Variants in IL20RB observed in about 807,000 individuals in gnomAD.
The protein encoded by IL20RB is interleukin-20 receptor subunit beta.
In IL20RB, 21 loss-of-function variants were observed where a neutral mutation model predicts 33.3. That is an observed-to-expected ratio of 0.63 (90% confidence interval 0.45 to 0.91). The LOEUF (loss-of-function observed/expected upper bound fraction) is 0.91, where lower values mean the gene tolerates loss of function less well. Ranked by LOEUF, IL20RB falls within the 40% of genes least tolerant of loss-of-function variation. The pLI, the probability that IL20RB is intolerant of heterozygous loss-of-function variation, is 0.00. For missense variants in IL20RB, 345 were observed against 384.8 expected (o/e 0.90, Z 0.86); for synonymous variants, 147 against 146.8 (o/e 1.00, Z -0.01).
At chr3:136,978,705 A>G (rs1941689216) in intron 1 of IL20RB, among the ~76,000 whole-genome samples, 1 of 152,144 alleles carries the variant, frequency 6.6e-6, no homozygotes, top group South Asian at 2.1e-4. Flanking sequence ...TTTTTGTCTA[A>G]GTTCATGAGA....
At chr3:137,007,157 A>C (rs1446139172) in intron 6 of IL20RB, among the ~76,000 whole-genome samples, 1 of 152,094 alleles carries the variant, frequency 6.6e-6, no homozygotes, top group East Asian at 1.9e-4. Flanking sequence ...TTTCCTCTGG[A>C]AGCTTTGTCG....
rs769522503 is a variant in IL20RB at position 136,980,567 on chromosome 3, G to C, written c.190G>C (p.Val64Leu). Residue 64 changes from valine to leucine, a missense_variant, in exon 2 of 7, where the codon GTG becomes CTG. By Grantham distance (32) the Val-to-Leu change is conservative. Coordinates refer to ENST00000329582, the MANE Select transcript of IL20RB (RefSeq NM_144717.4). Reference sequence around the variant, plus strand: ...CCCAGTGATCGCGCCTGGAGAAACAGTGTACTATTCTGTCGAATACCAGGG... The same window carrying C: ...CCCAGTGATCGCGCCTGGAGAAACACTGTACTATTCTGTCGAATACCAGGG... Reference protein sequence around the residue: ...WSPVIAPGETVYYSVEYQGEY... With the variant: ...WSPVIAPGETLYYSVEYQGEY... The C allele has an allele frequency of 8.7e-6, 14 of 1,614,092 alleles. No homozygotes were observed. Among genetic ancestry groups the C allele is most frequent in the Non-Finnish European group, 1.2e-5 (14 of 1,180,046 alleles).
intron 1 of IL20RB, among the ~76,000 whole-genome samples, chr3:136,979,997 C>T (rs1224272715): frequency 6.6e-6 from 1 of 152,178 alleles, no homozygotes; most frequent in Non-Finnish European, 1.5e-5. Flanking sequence ...CCTAGCCAGT[C>T]TAACAGAAGA....
chr3:136,978,944 C>T (rs361243), intron 1 of IL20RB, among the ~76,000 whole-genome samples: 70,658 of 151,912 alleles, frequency 0.47, 16,957 homozygotes, highest in East Asian at 0.7. Flanking sequence ...AATTAAATTA[C>T]ATTAATTAAT....
In IL20RB at chr3:136,989,491, G is replaced by T. The variant is rs751234903; in HGVS notation, c.457G>T (p.Val153Phe). Residue 153 changes from valine to phenylalanine, a missense_variant, in exon 4 of 7, where the codon GTT becomes TTT. Val to Phe is a conservative substitution (Grantham distance 50). Transcript: ENST00000329582. ...MEITKDGFHL[V>F]IELEDLGPQF... ...GATCACCAAAGATGGCTTCCACCTGGTTATTGAGCTGGAGGACCTGGGGCC... is the reference window on the plus strand; with the variant it reads ...GATCACCAAAGATGGCTTCCACCTGTTTATTGAGCTGGAGGACCTGGGGCC... The T allele has an allele frequency of 2.5e-6, 4 of 1,614,078 alleles. No homozygotes were observed. In the South Asian group the frequency reaches 4.4e-5, roughly 18 times the overall value.
chr3:136,997,515 A>G (rs1011104097), intron 6 of IL20RB, among the ~76,000 whole-genome samples: 16 of 149,946 alleles, frequency 1.1e-4, no homozygotes, highest in African/African-American at 3.7e-4. Flanking sequence ...GGAGTCTTTT[A>G]TCATTATGAT....
At chr3:136,989,647 C>A (rs1265037617) in intron 4 of IL20RB, 82 bp downstream of exon 4, 1 of 1,526,056 alleles carries the variant, frequency 6.6e-7, no homozygotes, top group African/African-American at 1.4e-5. Flanking sequence ...GAAGGCTGCC[C>A]CTGCTCACTG....
At chr3:136,973,812 A>G (rs1941550025) in intron 1 of IL20RB, among the ~76,000 whole-genome samples, 1 of 152,116 alleles carries the variant, frequency 6.6e-6, no homozygotes, top group African/African-American at 2.4e-5. Flanking sequence ...ATCACTATAT[A>G]GTAACCTTCT....
rs554739203 is a variant in IL20RB, at chr3:136,980,008, G to C, written c.89-458G>C. Among the ~76,000 whole-genome samples the C allele has an allele frequency of 7.2e-5, 11 of 152,244 alleles. 1 individual carries two copies. In the South Asian group the frequency reaches 2.3e-3, roughly 32 times the overall value. On this transcript the variant is annotated intron_variant, in intron 1 of 6. Transcript: ENST00000329582. ...GGATCCTAGCCAGTCTAACAGAAGA[G>C]TCATAAATAATGTGACTCAGTTTTC...
chr3:136,992,784 T>A (rs1164108636), intron 5 of IL20RB, among the ~76,000 whole-genome samples: 1 of 152,118 alleles, frequency 6.6e-6, no homozygotes, highest in Non-Finnish European at 1.5e-5. Context: ...TTGTTTCATA[T>A]GTAGAGACAA....
At chr3:136,969,619 C>G (rs1210392013) in intron 1 of IL20RB, among the ~76,000 whole-genome samples, 1 of 150,802 alleles carries the variant, frequency 6.6e-6, no homozygotes, top group Non-Finnish European at 1.5e-5. Flanking sequence ...TGAGATGAAC[C>G]CGGTACCTCA....
Position 137,010,588 on chromosome 3 carries a change from A to G in IL20RB, c.*365A>G, listed in dbSNP as rs1019316366. On this transcript the variant is annotated 3_prime_UTR_variant, in exon 7 of 7. Coordinates refer to ENST00000329582, the MANE Select transcript of IL20RB (RefSeq NM_144717.4). The stretch of plus-strand genomic sequence containing the variant: ...TCTATATATACACACGTACACATAA[A>G]TACACCCAGCACTTGCAAGGCTAGA... The G allele has an allele frequency of 1.2e-5, 2 of 167,870 alleles. No homozygotes were observed. Among genetic ancestry groups the G allele is most frequent in the African/African-American group, 4.8e-5 (2 of 42,014 alleles). 10.4% of individuals were successfully genotyped at this position (167,870 alleles called of 1,614,324 possible).
chr3:137,005,160 T>G (rs1577035116), intron 6 of IL20RB, among the ~76,000 whole-genome samples: 1 of 151,848 alleles, frequency 6.6e-6, no homozygotes, highest in East Asian at 1.9e-4. Flanking sequence ...TTTCTTTTAC[T>G]TGCTGAGGAG....
At chr3:136,974,879 C>T (rs1097288) in intron 1 of IL20RB, among the ~76,000 whole-genome samples, 70,712 of 151,910 alleles carry the variant, frequency 0.47, 16,978 homozygotes, top group East Asian at 0.7. Flanking sequence ...TTCTCCTGCT[C>T]GATCTAGTCT....
At chr3:136,996,194 G>T (rs544345445) in intron 6 of IL20RB, among the ~76,000 whole-genome samples, 50 of 152,148 alleles carry the variant, frequency 3.3e-4, no homozygotes, top group African/African-American at 1.1e-3. Context: ...TCTCCAGTGG[G>T]TATAGGACCC....
chr3:136,995,349 G>C, intron 5 of IL20RB, 65 bp from the exon 6 acceptor site: 1 of 1,578,700 alleles, frequency 6.3e-7, no homozygotes, highest in African/African-American at 1.3e-5. Context: ...ACCGGGGGAG[G>C]CTCAGGATTG....
intron 1 of IL20RB, chr3:136,959,336 A>C (rs528079378): frequency 6.6e-6 from 1 of 152,330 alleles, no homozygotes; most frequent in South Asian, 2.1e-4. Flanking sequence ...ATTTCCTTCT[A>C]CGTCTTTCCA....
chr3:136,986,492 T>C (rs554738137), intron 3 of IL20RB, among the ~76,000 whole-genome samples: 1 of 152,304 alleles, frequency 6.6e-6, no homozygotes, highest in South Asian at 2.1e-4. Flanking sequence ...TCTGTTTCCC[T>C]TCTGAAGGTG....
chr3:136,981,335 G>C (rs1427845856), intron 2 of IL20RB, among the ~76,000 whole-genome samples: 4 of 149,326 alleles, frequency 2.7e-5, no homozygotes, highest in Non-Finnish European at 6.0e-5. Context: ...CACATTTTAG[G>C]TGTTCAATAG....
Sources: gnomAD v4.1 joint callset for allele counts (sites outside exome capture counted in the v4.1 genomes callset) on GRCh38, gnomAD v4.1.1 for gene constraint, MANE v1.5 for transcripts, NCBI Gene and HGNC (gene_info 2026-07-23, HGNC 2026-07-21) for gene names.